Variants in PRR33 observed in about 807,000 individuals in gnomAD.
The protein encoded by PRR33 is proline-rich protein 33.
PRR33 carries 1 observed loss-of-function variant against 0.5 expected under a neutral mutation model. The observed-to-expected ratio is 2.18, with a 90% CI of 0.77 to 10.34. PRR33 has a LOEUF of 10.34. Ranked by LOEUF, PRR33 falls within the 30% of genes most tolerant of loss-of-function variation. The pLI is 0.13. For synonymous variants in PRR33, 226 were observed against 110.0 expected, an observed-to-expected ratio of 2.06 and a Z score of -6.60; for missense variants, 552 against 251.8, an observed-to-expected ratio of 2.19 and a Z score of -8.07.
chr11:1,896,371 G>A (rs184670244), upstream of PRR33, among the ~76,000 whole-genome samples: 2 of 152,250 alleles, frequency 1.3e-5, no homozygotes, highest in East Asian at 3.9e-4. Context: ...CACATCTTTT[G>A]TCAGATTGAC....
At chr11:1,899,582 C>T in the PRR33 span, among the ~76,000 whole-genome samples, 1 of 152,118 alleles carries the variant, frequency 6.6e-6, no homozygotes, top group African/African-American at 2.4e-5. Flanking sequence ...TCATAAGGCA[C>T]CAACTTATGT....
exon 1 of PRR33, chr11:1,890,065 C>T: frequency 1.4e-6 from 1 of 711,072 alleles, no homozygotes; most frequent in Non-Finnish European, 2.6e-6. Flanking sequence ...TGGGTGCCCC[C>T]ACCCCCAGAG....
chr11:1,892,754 G>A (rs1219250912), upstream of PRR33, among the ~76,000 whole-genome samples: 2 of 151,884 alleles, frequency 1.3e-5, no homozygotes, highest in South Asian at 2.1e-4. Flanking sequence ...GTAGGTGGGC[G>A]AGTGGATGAA....
chr11:1,912,762 G>A, the PRR33 span, among the ~76,000 whole-genome samples: 38 of 152,134 alleles, frequency 2.5e-4, 1 homozygote, highest in South Asian at 6.5e-3. Context: ...CTGCCACCAC[G>A]CCTGGCTAAT....
At chr11:1,901,173 G>A in the PRR33 span, among the ~76,000 whole-genome samples, 28 of 152,100 alleles carry the variant, frequency 1.8e-4, no homozygotes, top group Non-Finnish European at 3.5e-4. Context: ...TTAGTCGGGC[G>A]TTGTGGCAGA....
the PRR33 span, among the ~76,000 whole-genome samples, chr11:1,899,230 C>T: frequency 6.6e-6 from 1 of 152,156 alleles, no homozygotes; most frequent in African/African-American, 2.4e-5. Context: ...GAGAAACTTC[C>T]CTGATTAGCT....
At chr11:1,892,893 T>C (rs920667185), upstream of PRR33, among the ~76,000 whole-genome samples, 2 of 150,850 alleles carry the variant, frequency 1.3e-5, no homozygotes, top group Non-Finnish European at 1.5e-5. Flanking sequence ...GGTGAGTGGA[T>C]GAATGGCTGG....
At chr11:1,889,973 TCCC>T (rs1268163768) in exon 1 of PRR33, 2 of 632,062 alleles carry the variant, frequency 3.2e-6, no homozygotes, top group African/African-American at 3.7e-5. Flanking sequence ...GGCTGTTGGA[TCCC>T]ACTTCTGGGG....
chr11:1,915,139 C>CTGTGTGTGTGTG, the PRR33 span, among the ~76,000 whole-genome samples: 302 of 128,590 alleles, frequency 2.3e-3, 3 homozygotes, highest in East Asian at 4.5e-3. Flanking sequence ...GATGATGTTT[C>CTGTGTGTGTGTG]TGTGTGTGTG....
At chr11:1,905,433 C>CT in the PRR33 span, among the ~76,000 whole-genome samples, 93 of 97,890 alleles carry the variant, frequency 9.5e-4, no homozygotes, top group South Asian at 8.5e-3. Flanking sequence ...GGCCTTCTCT[C>CT]TTTTTTTTTT....
chr11:1,888,017 A>T (rs971032061), downstream of PRR33, among the ~76,000 whole-genome samples: 3 of 152,088 alleles, frequency 2.0e-5, no homozygotes, highest in Non-Finnish European at 4.4e-5. Flanking sequence ...CCCAGCCGAG[A>T]GCGATTCAGA....
At chr11:1,907,617 T>C in the PRR33 span, among the ~76,000 whole-genome samples, 1 of 152,226 alleles carries the variant, frequency 6.6e-6, no homozygotes, top group East Asian at 1.9e-4. Context: ...TTTTGCCATG[T>C]TGGCCAGGCA....
the PRR33 span, among the ~76,000 whole-genome samples, chr11:1,917,506 C>T: frequency 1.3e-5 from 2 of 152,208 alleles, no homozygotes; most frequent in Admixed American, 6.5e-5. Flanking sequence ...GGTGGAAATG[C>T]GTCCCCAACC....
At chr11:1,888,866 C>T (rs1359557855) in exon 1 of PRR33, 1 of 385,664 alleles carries the variant, frequency 2.6e-6, no homozygotes, top group Non-Finnish European at 4.6e-6. Context: ...ATCCCAAGGC[C>T]CCCATCCTAC....
the PRR33 span, among the ~76,000 whole-genome samples, chr11:1,904,205 G>A: frequency 2.2e-4 from 33 of 152,280 alleles, no homozygotes; most frequent in African/African-American, 7.5e-4. Flanking sequence ...GAAGCTCTAC[G>A]CCAGATCCAC....
At chr11:1,889,309 T>C (rs779973498) in exon 1 of PRR33, 4 of 692,776 alleles carry the variant, frequency 5.8e-6, no homozygotes, top group Non-Finnish European at 1.1e-5. Flanking sequence ...CTGGCTGGGG[T>C]GTGCTCCCCA....
At chr11:1,888,374 C>G (rs1181994493) in exon 1 of PRR33, among the ~76,000 whole-genome samples, 1 of 152,214 alleles carries the variant, frequency 6.6e-6, no homozygotes, top group Non-Finnish European at 1.5e-5. Flanking sequence ...GGACTGAGGG[C>G]TCCCTCCTCA....
chr11:1,907,107 T>C, the PRR33 span, among the ~76,000 whole-genome samples: 1 of 152,230 alleles, frequency 6.6e-6, no homozygotes, highest in African/African-American at 2.4e-5. Flanking sequence ...CATTGTGTTG[T>C]GTATTTTGTC....
chr11:1,889,462 C>T (rs1848896080), exon 1 of PRR33: 1 of 636,822 alleles, frequency 1.6e-6, no homozygotes, highest in African/African-American at 1.8e-5. Flanking sequence ...GCAGGCACCT[C>T]CTGCTCTGTG....
Sources: gnomAD v4.1 joint callset for allele counts (sites outside exome capture counted in the v4.1 genomes callset) on GRCh38, gnomAD v4.1.1 for gene constraint, MANE v1.5 for transcripts, NCBI Gene and HGNC (gene_info 2026-07-23, HGNC 2026-07-21) for gene names.